Variants in CERCAM observed in about 807,000 individuals in gnomAD.
CERCAM encodes inactive glycosyltransferase 25 family member 3.
A neutral mutation model predicts 66.0 loss-of-function variants in CERCAM; 59 were observed. The ratio of observed to expected loss-of-function variants is 0.89; its 90% CI spans 0.73 to 1.11. CERCAM has a LOEUF of 1.11. Ranked by LOEUF, CERCAM falls within the 50% of genes most tolerant of loss-of-function variation. CERCAM has a pLI of 0.00. For synonymous variants in CERCAM, 318 were observed against 343.6 expected, an observed-to-expected ratio of 0.93 and a Z score of 0.83; for missense variants, 840 against 828.3, an observed-to-expected ratio of 1.01 and a Z score of -0.17.
chr9:128,426,997 G>T (rs916318535), intron 5 of CERCAM, among the ~76,000 whole-genome samples: 2 of 152,204 alleles, frequency 1.3e-5, no homozygotes, highest in African/African-American at 4.8e-5. Flanking sequence ...AGCGACAGCC[G>T]TTGTTAATTG....
intron 3 of CERCAM, 100 bp from the exon 4 acceptor site, chr9:128,424,038 C>T (rs1833776673): frequency 7.3e-7 from 1 of 1,364,732 alleles, no homozygotes; most frequent in Non-Finnish European, 1.0e-6. Context: ...CCCACTGGAT[C>T]CTAGGAGCCA....
In CERCAM at chr9:128,428,382, G is replaced by A. The variant is rs770153869; in HGVS notation, c.847G>A (p.Glu283Lys). The A allele has an allele frequency of 1.9e-6, 3 of 1,614,146 alleles. No homozygotes were observed. The highest frequency in any genetic ancestry group is 2.2e-5 in the East Asian group (1 of 44,878). The change falls in exon 6 of 13, where the codon GAG (glutamate) becomes AAG (lysine). Residue 283 changes from glutamate (E) to lysine (K), a missense_variant. Coordinates refer to ENST00000372838, the MANE Select transcript of CERCAM (RefSeq NM_016174.5). ...PVKSHQGLED[E>K]RVNFIHLILE... is the part of the protein sequence containing the mutation. ...GAAATCCCACCAGGGGCTGGAAGAC[G>A]AGAGGGTCAACTTCATCCACCTGAT...
Position 128,431,268 on chromosome 9 carries a change from GGC to G in CERCAM, c.1169_1170del (p.Gly390ValfsTer24). 1 of 1,614,064 alleles carries G rather than the reference GGC, an allele frequency of 6.2e-7. No homozygotes were observed. The highest frequency in any genetic ancestry group is 8.5e-7 in the Non-Finnish European group (1 of 1,180,010). On this transcript the variant is annotated frameshift_variant, in exon 9 of 13. Coordinates refer to ENST00000372838, the MANE Select transcript of CERCAM (RefSeq NM_016174.5). LOFTEE classifies it high-confidence loss of function. ...SGRTLTKGEVGCFLSHYSIWE... is the reference protein window; with the variant it reads ...SGRTLTKGEVXCFLSHYSIWE... ...CCGCACTCTGACCAAGGGCGAGGTG[GGC>G]TGCTTCCTCAGCCATTACTCCATCT...
chr9:128,422,630 T>C (rs1302269932), intron 1 of CERCAM: 1 of 523,036 alleles, frequency 1.9e-6, no homozygotes, highest in Non-Finnish European at 3.4e-6. Flanking sequence ...GCTTAAGTTA[T>C]AGAGGGAGGA....
chr9:128,421,221 A>T, intron 1 of CERCAM, 147 bp downstream of exon 1: 2 of 1,236,216 alleles, frequency 1.6e-6, no homozygotes, highest in Non-Finnish European at 2.0e-6. Context: ...TGCCAGCCCG[A>T]GCCGCCAGAG....
At chr9:128,426,010 G>GC (rs1383668613) in intron 5 of CERCAM, among the ~76,000 whole-genome samples, 1 of 151,748 alleles carries the variant, frequency 6.6e-6, no homozygotes, top group Non-Finnish European at 1.5e-5. Flanking sequence ...TTGCCGTGTT[G>GC]CCCAGGCTGG....
intron 6 of CERCAM, 118 bp downstream of exon 6, chr9:128,428,539 C>A: frequency 7.6e-7 from 1 of 1,321,242 alleles, no homozygotes; most frequent in East Asian, 2.5e-5. Flanking sequence ...CAGCTTTGTC[C>A]CTAACTCGTT....
At chr9:128,419,564 TG>T (rs1833662378), upstream of CERCAM, 1 of 152,238 alleles carries the variant, frequency 6.6e-6, no homozygotes, top group Non-Finnish European at 1.5e-5. Flanking sequence ...CCCTCCCAGA[TG>T]GGTGGCGTTA....
chr9:128,428,645 T>C, intron 6 of CERCAM, 112 bp from the exon 7 acceptor site: 1 of 1,259,048 alleles, frequency 7.9e-7, no homozygotes, highest in Non-Finnish European at 1.2e-6. Context: ...GGTCCCGTCC[T>C]GTGGGGTGTT....
intron 3 of CERCAM, among the ~76,000 whole-genome samples, chr9:128,423,552 G>A (rs1315704921): frequency 1.3e-5 from 2 of 151,736 alleles, no homozygotes; most frequent in African/African-American, 4.9e-5. Flanking sequence ...GGGAGGTAGA[G>A]GTTGCACTGA....
intron 5 of CERCAM, among the ~76,000 whole-genome samples, chr9:128,426,240 C>T (rs557717141): frequency 3.9e-5 from 6 of 151,982 alleles, no homozygotes; most frequent in African/African-American, 9.6e-5. Context: ...AAACTGTGAT[C>T]ATGCCACTGT....
chr9:128,430,538 C>T (rs776936206), intron 8 of CERCAM, among the ~76,000 whole-genome samples: 12 of 152,140 alleles, frequency 7.9e-5, no homozygotes, highest in Non-Finnish European at 1.3e-4. Context: ...CCACATCCCC[C>T]GAGGTCTCTT....
At chr9:128,421,571 C>T (rs1833709989) in intron 1 of CERCAM, 1 of 966,902 alleles carries the variant, frequency 1.0e-6, no homozygotes, top group Admixed American at 6.2e-5. Flanking sequence ...CCGGCCCCCC[C>T]ACCGCCCCCG....
At position 128,428,450 on chromosome 9, in the gene CERCAM, C is replaced by T. The variant is rs1256093220; in HGVS notation, c.886+29C>T. 5 of 1,612,170 alleles carry T rather than the reference C, an allele frequency of 3.1e-6. No individual in the cohort carries two copies. In the African/African-American group the frequency reaches 5.3e-5, roughly 17 times the overall value. ...AGGGCTGGGGAACTGTTCCACCCAC[C>T]TGCTGCCGGGGCTCCCTGCCTCCCC... On this transcript the variant is annotated intron_variant, in intron 6 of 12. Transcript: ENST00000372838.
chr9:128,431,050 C>T (rs1279172767), intron 8 of CERCAM, 121 bp from the exon 9 acceptor site: 48 of 1,229,306 alleles, frequency 3.9e-5, no homozygotes, highest in Non-Finnish European at 5.3e-5. Context: ...AAAGGAGTTA[C>T]AAGGCAGAAA....
At chr9:128,436,290 G>GAGT (rs1249274311) in intron 12 of CERCAM, among the ~76,000 whole-genome samples, 4 of 152,140 alleles carry the variant, frequency 2.6e-5, no homozygotes, top group African/African-American at 9.6e-5. Flanking sequence ...GCCCAGGCTG[G>GAGT]AGTGCAGTGG....
At position 128,431,205 on chromosome 9, in the gene CERCAM, G is replaced by A. The variant is rs762471973; in HGVS notation, c.1105G>A (p.Val369Ile). 1.5e-5 allele frequency: 24 copies of A among 1,613,994 alleles called. No homozygotes were observed. The South Asian group carries it at 1.8e-4, about 12-fold the overall frequency. Reference sequence around the variant, plus strand: ...CAGCAGTGCCATCAGGAACCTCGGCGTAGACCTGCTCCCGGGCTACCAGGA... The same window carrying A: ...CAGCAGTGCCATCAGGAACCTCGGCATAGACCTGCTCCCGGGCTACCAGGA... ...LNSSAIRNLG[V>I]DLLPGYQDPY... The change falls in exon 9 of 13, where the codon GTA becomes ATA. Residue 369 changes from valine to isoleucine, a missense_variant. Val to Ile is a conservative substitution (Grantham distance 29, BLOSUM62 3). Transcript: ENST00000372838.
Position 128,420,916 on chromosome 9 carries a change from G to A in CERCAM, c.39G>A (p.Leu13=). ...AARAAPLLQL[L]LLLGPWLEAA... ...GCGCCGCGCCGCTGCTCCAGCTGCT[G>A]CTCCTGCTGGGGCCGTGGCTGGAGG... Residue 13 remains leucine, a synonymous_variant, in exon 1 of 13, where the codon CTG becomes CTA. Transcript: ENST00000372838. The surrounding 1 kb of genome is among the most constrained non-coding windows in gnomAD (Gnocchi z 5.0). 2.9e-6 allele frequency: 4 copies of A among 1,399,086 alleles called. No individual in the cohort carries two copies. The highest frequency in any genetic ancestry group is 1.5e-5 in the South Asian group (1 of 65,202). The allele number at this position is 1,399,086 out of a possible 1,614,324, so 86.7% of individuals were successfully genotyped here.
Position 128,435,831 on chromosome 9 carries a change from C to T in CERCAM, c.1714C>T (p.Leu572=), listed in dbSNP as rs1274080279. The change falls in exon 12 of 13, where the codon CTG becomes TTG. Residue 572 remains leucine (L), a synonymous_variant. Transcript: ENST00000372838. Reference sequence around the variant, plus strand: ...CAGCTGGAGCGGCTCCCAAAAGACCCTGCGCAGCCCCCGCCTGGACCTGAC... The same window carrying T: ...CAGCTGGAGCGGCTCCCAAAAGACCTTGCGCAGCCCCCGCCTGGACCTGAC... The part of the protein sequence containing the change: ...LISWSGSQKT[L]RSPRLDLTGS... 2 of 1,610,294 alleles carry T rather than the reference C, an allele frequency of 1.2e-6. No homozygotes were observed. Among genetic ancestry groups the T allele is most frequent in the African/African-American group, 2.7e-5 (2 of 74,884 alleles).
Sources: gnomAD v4.1 joint callset for allele counts (sites outside exome capture counted in the v4.1 genomes callset) on GRCh38, gnomAD v4.1.1 for gene constraint, Gnocchi (gnomAD v3.1) non-coding constraint, MANE v1.5 for transcripts, NCBI Gene and HGNC (gene_info 2026-07-23, HGNC 2026-07-21) for gene names.